The following MOB3B variants were observed in gnomAD, a reference collection of about 807,000 sequenced individuals.
MOB3B encodes the protein MOB kinase activator 3B.
In MOB3B, 7 loss-of-function variants were observed where a neutral mutation model predicts 18.7. That is an observed-to-expected ratio of 0.37 (90% CI 0.21 to 0.70). The LOEUF is 0.70. MOB3B is among the 30% of genes least tolerant of loss of function. MOB3B has a pLI of 0.52. For synonymous variants in MOB3B, 111 were observed against 99.9 expected (o/e 1.11, Z -0.66); for missense variants, 253 against 281.3 (o/e 0.90, Z 0.72).
At chr9:27,510,203 AGAG>A (rs1473420338) in intron 1 of MOB3B, among the ~76,000 whole-genome samples, 4 of 152,268 alleles carry the variant, frequency 2.6e-5, no homozygotes, top group African/African-American at 9.6e-5. Flanking sequence ...ACAAAAATAA[AGAG>A]GACAAAAGGC....
chr9:27,431,143 C>G (rs1184349779), intron 2 of MOB3B, among the ~76,000 whole-genome samples: 2 of 151,884 alleles, frequency 1.3e-5, no homozygotes, highest in African/African-American at 4.8e-5. Flanking sequence ...GATTTTCTAC[C>G]CTTAAAACAG....
intron 1 of MOB3B, among the ~76,000 whole-genome samples, chr9:27,469,417 C>T (rs867067721): frequency 2.0e-4 from 31 of 152,266 alleles, no homozygotes; most frequent in Middle Eastern, 3.4e-3. Flanking sequence ...TGACAGCATC[C>T]TGGCCCCTAA....
chr9:27,460,516 G>T (rs1224104137), intron 1 of MOB3B, among the ~76,000 whole-genome samples: 1 of 152,166 alleles, frequency 6.6e-6, no homozygotes, highest in Non-Finnish European at 1.5e-5. Context: ...CCTTGCCAGG[G>T]ATAAGGAAGA....
intron 2 of MOB3B, among the ~76,000 whole-genome samples, chr9:27,427,110 C>T (rs2131418520): frequency 6.6e-6 from 1 of 152,290 alleles, no homozygotes; most frequent in Admixed American, 6.5e-5. Flanking sequence ...AAAATGCCTC[C>T]AAGGCTTGAC....
At chr9:27,331,432 T>C (rs1427750206) in intron 3 of MOB3B, among the ~76,000 whole-genome samples, 3 of 152,188 alleles carry the variant, frequency 2.0e-5, no homozygotes, top group Non-Finnish European at 2.9e-5. Flanking sequence ...TGTGCACACA[T>C]TGATTCTTAC....
intron 1 of MOB3B, among the ~76,000 whole-genome samples, chr9:27,497,617 G>C (rs1421906190): frequency 6.6e-6 from 1 of 151,692 alleles, no homozygotes; most frequent in Non-Finnish European, 1.5e-5. Context: ...AATTTTTGTA[G>C]TTTTATATGT....
intron 2 of MOB3B, among the ~76,000 whole-genome samples, chr9:27,408,153 A>G (rs1822014878): frequency 6.6e-6 from 1 of 152,218 alleles, no homozygotes; most frequent in Non-Finnish European, 1.5e-5. Context: ...TGTGATGAGC[A>G]GAGTAAAATC....
intron 1 of MOB3B, among the ~76,000 whole-genome samples, chr9:27,487,134 A>AATAAATAC (rs1156874141): frequency 6.7e-6 from 1 of 149,622 alleles, no homozygotes; most frequent in Non-Finnish European, 1.5e-5. Flanking sequence ...CTGTCTCAAA[A>AATAAATAC]ATAAATAAAT....
chr9:27,381,358 G>T (rs1482532865), intron 2 of MOB3B, among the ~76,000 whole-genome samples: 1 of 151,962 alleles, frequency 6.6e-6, no homozygotes, highest in East Asian at 1.9e-4. Flanking sequence ...CTGATCTGAG[G>T]ACTGCTAAAG....
intron 1 of MOB3B, among the ~76,000 whole-genome samples, chr9:27,478,313 C>T (rs1819586698): frequency 6.6e-6 from 1 of 152,114 alleles, no homozygotes; most frequent in Admixed American, 6.5e-5. Flanking sequence ...AAGCCACGTA[C>T]ACAATGAGCA....
At chr9:27,514,210 T>A (rs1264000940) in intron 1 of MOB3B, among the ~76,000 whole-genome samples, 1 of 152,128 alleles carries the variant, frequency 6.6e-6, no homozygotes, top group Admixed American at 6.6e-5. Context: ...TCCAAGAGGA[T>A]AGCCCAGTAT....
At chr9:27,511,995 CAG>C (rs1820153900) in intron 1 of MOB3B, among the ~76,000 whole-genome samples, 1 of 139,956 alleles carries the variant, frequency 7.1e-6, no homozygotes, top group African/African-American at 2.7e-5. Context: ...ATGGGACTGA[CAG>C]TGTTGTGTGT....
At chr9:27,337,031 C>T (rs1199709302) in intron 3 of MOB3B, among the ~76,000 whole-genome samples, 1 of 152,234 alleles carries the variant, frequency 6.6e-6, no homozygotes, top group African/African-American at 2.4e-5. Flanking sequence ...CTACCGGCCC[C>T]GTGCCCGAGC....
At chr9:27,510,948 A>G (rs1389863544) in intron 1 of MOB3B, among the ~76,000 whole-genome samples, 1 of 152,192 alleles carries the variant, frequency 6.6e-6, no homozygotes, top group Admixed American at 6.5e-5. Context: ...CACAGAAGTC[A>G]GAAATGAATT....
chr9:27,521,801 A>G (rs893018444), intron 1 of MOB3B, among the ~76,000 whole-genome samples: 2 of 152,192 alleles, frequency 1.3e-5, no homozygotes, highest in Non-Finnish European at 2.9e-5. Context: ...ATTGGAACTG[A>G]GCCTTAGGGA....
At chr9:27,491,519 AC>A (rs1396648380) in intron 1 of MOB3B, among the ~76,000 whole-genome samples, 1 of 152,184 alleles carries the variant, frequency 6.6e-6, no homozygotes, top group African/African-American at 2.4e-5. Flanking sequence ...TTAAAAAAAG[AC>A]ATATATCTGT....
chr9:27,488,110 A>G (rs1342518457), intron 1 of MOB3B, among the ~76,000 whole-genome samples: 1 of 152,116 alleles, frequency 6.6e-6, no homozygotes, highest in Non-Finnish European at 1.5e-5. Context: ...CTGCCCTACT[A>G]CATTTCTCTG....
intron 2 of MOB3B, among the ~76,000 whole-genome samples, chr9:27,374,350 T>C (rs565586187): frequency 3.0e-4 from 45 of 152,178 alleles, no homozygotes; most frequent in African/African-American, 1.0e-3. Flanking sequence ...TAATATACCC[T>C]CTACCCCTCA....
chr9:27,410,753 C>CT lies in MOB3B; in HGVS notation c.418+44379dup, dbSNP rs142171418. On this transcript the variant is annotated intron_variant, in intron 2 of 3. Coordinates refer to ENST00000262244, the MANE Select transcript of MOB3B (RefSeq NM_024761.5). ...TACTTTCTTTAAAATGAAAGTTATT[C>CT]TTTTTTTTTCTGATTATAAAATTAA... Among the ~76,000 whole-genome samples the CT allele has an allele frequency of 1.8e-3, 277 of 151,434 alleles. 2 individuals are homozygous for CT. The highest frequency in any genetic ancestry group is 6.3e-3 in the African/African-American group (261 of 41,272).
Sources: allele counts gnomAD v4.1 joint callset (sites outside exome capture counted in the v4.1 genomes callset), GRCh38; gene constraint gnomAD v4.1.1; transcripts MANE v1.5; gene names NCBI Gene and HGNC (gene_info 2026-07-23, HGNC 2026-07-21).